KLF18: variants seen among roughly 807,000 people sequenced by gnomAD.
KLF18 encodes KLF transcription factor 18, also known as Kruppel-like factor 18.
chr1:44,141,124 C>T lies in KLF18; in HGVS notation c.508G>A (p.Asp170Asn). Residue 170 changes from aspartate (D) to asparagine (N), a missense_variant, in exon 1 of 2, where the codon GAT becomes AAT. Asp to Asn is a conservative substitution (Grantham distance 23). Transcript: ENST00000634670. Reference protein sequence around the residue: ...NESQIPALLGDQMKTLSDNQT... With the variant: ...NESQIPALLGNQMKTLSDNQT... ...TTATCACTGAGGGTCTTCATCTGATCTCCAAGCAGGGCTGGTATCTGACTC... is the reference window on the plus strand; with the variant it reads ...TTATCACTGAGGGTCTTCATCTGATTTCCAAGCAGGGCTGGTATCTGACTC... 2.5e-6 allele frequency: 1 copy of T among 398,614 alleles called. No individual in the cohort carries two copies. The highest frequency in any genetic ancestry group is 4.4e-6 in the Non-Finnish European group (1 of 226,130). 24.7% of individuals were successfully genotyped at this position (398,614 alleles called of 1,614,324 possible). A position where few individuals can be genotyped will look rare whatever the true frequency, so the allele number is the denominator to read the frequency against.
Position 44,139,845 on chromosome 1 carries a change from G to A in KLF18, c.1787C>T (p.Thr596Ile). Reference protein sequence around the residue: ...EQMTTSTSNQTLCGEQVTTST... With the variant: ...EQMTTSTSNQILCGEQVTTST... ...GGTCGTCACCTGCTCCCCACAAAGG[G>A]TCTGGTTACTAGTGGAGGTCGTCAT... Residue 596 changes from threonine to isoleucine, a missense_variant, in exon 1 of 2, where the codon ACC becomes ATC. Coordinates refer to ENST00000634670, the MANE Select transcript of KLF18 (RefSeq NM_001358438.1). The A allele has an allele frequency of 5.3e-6, 2 of 376,824 alleles. No homozygotes were observed. The highest frequency in any genetic ancestry group is 1.3e-4 in the South Asian group (1 of 7,424). The allele number at this position is 376,824 out of a possible 1,614,324, so 23.3% of individuals were successfully genotyped here. A position where few individuals can be genotyped will look rare whatever the true frequency, so the allele number is the denominator to read the frequency against.
At position 44,137,885 on chromosome 1, in the gene KLF18, T is replaced by C. The variant is rs1643169894; in HGVS notation, c.3095A>G (p.Asn1032Ser). 2.5e-6 allele frequency: 1 copy of C among 398,464 alleles called. No individual in the cohort carries two copies. The highest frequency in any genetic ancestry group is 2.1e-5 in the African/African-American group (1 of 48,604). 24.7% of individuals were successfully genotyped at this position (398,464 alleles called of 1,614,324 possible). ...RPYLCSICSK[N>S]FARSDHLKQH... is the part of the protein sequence containing the mutation. ...CTTTAGGTGATCAGATCTTGCAAAA[T>C]TCTTGCTGCATATTGAACACAGGTA... Residue 1032 changes from asparagine to serine, a missense_variant, in exon 2 of 2, where the codon AAT (asparagine) becomes AGT (serine). Asn to Ser is a conservative substitution (Grantham distance 46, BLOSUM62 1). Coordinates refer to ENST00000634670, the MANE Select transcript of KLF18 (RefSeq NM_001358438.1).
In KLF18 at chr1:44,140,244, G is replaced by A. The variant is rs990976352; in HGVS notation, c.1388C>T (p.Thr463Met). The stretch of plus-strand genomic sequence containing the variant: ...GAGGGTCTGGTTACTAGTGGAGGTC[G>A]TCGTCTGCTCTCCACAGAGGGTCTG... ...SNQTLCGEQT[T>M]TSTSNQTLCG... Residue 463 changes from threonine to methionine, a missense_variant, in exon 1 of 2, where the codon ACG becomes ATG. Physicochemically the swap from Thr to Met is moderately conservative, Grantham distance 81 (BLOSUM62 -1). Transcript: ENST00000634670. 7.7e-5 allele frequency: 30 copies of A among 391,542 alleles called. No individual in the cohort carries two copies. The highest frequency in any genetic ancestry group is 1.1e-4 in the East Asian group (3 of 27,706). The allele number at this position is 391,542 out of a possible 1,614,324, so 24.3% of individuals were successfully genotyped here.
Position 44,138,909 on chromosome 1 carries a change from G to T in KLF18, c.2723C>A (p.Thr908Asn), listed in dbSNP as rs1470350779. Residue 908 changes from threonine to asparagine, a missense_variant, in exon 1 of 2, where the codon ACT becomes AAT. By Grantham distance (65) the Thr-to-Asn change is moderately conservative. Transcript: ENST00000634670. ...TCCCCCATAAAGGCTGTGGTCATCA[G>T]TGAGCGTTGTCATATTGCCCACCTG... ...TLQVGNMTTL[T>N]DDHSLYGGYM... The T allele has an allele frequency of 1.5e-5, 6 of 398,588 alleles. No homozygotes were observed. Among genetic ancestry groups the T allele is most frequent in the Non-Finnish European group, 2.2e-5 (5 of 226,108 alleles). The allele number at this position is 398,588 out of a possible 1,614,324, so 24.7% of individuals were successfully genotyped here. A position where few individuals can be genotyped will look rare whatever the true frequency, so the allele number is the denominator to read the frequency against.
In KLF18 at chr1:44,139,652, G is replaced by A. The variant is rs1643214259; in HGVS notation, c.1980C>T (p.Thr660=). ...CACAGAGGGCCTGGTTACCAGTGGA[G>A]GTCATCACCTGCTCCTCACAGAGGG... The part of the protein sequence containing the change: ...NQTLCEEQVM[T]STGNQALCGE... Residue 660 remains threonine (T), a synonymous_variant, in exon 1 of 2, where the codon ACC becomes ACT. Coordinates refer to ENST00000634670, the MANE Select transcript of KLF18 (RefSeq NM_001358438.1). 1 of 397,780 alleles carries A rather than the reference G, an allele frequency of 2.5e-6. No homozygotes were observed. The allele number at this position is 397,780 out of a possible 1,614,324, so 24.6% of individuals were successfully genotyped here.
rs1643223270 is a variant in KLF18, at chr1:44,140,141, C to T, written c.1491G>A (p.Gln497=). ...TCATCATCTGCCCCCAGTAGAGGGT[C>T]TGGTTACCAGTGGAGGTCATCATCT... ...GGQMMTSTGN[Q]TLYWGQMMTS... is the part of the protein sequence containing the mutation. The change falls in exon 1 of 2, where the codon CAG becomes CAA. Residue 497 remains glutamine, a synonymous_variant. Transcript: ENST00000634670. 2.6e-6 allele frequency: 1 copy of T among 388,466 alleles called. No homozygotes were observed. The highest frequency in any genetic ancestry group is 2.2e-5 in the African/African-American group (1 of 45,256). The allele number at this position is 388,466 out of a possible 1,614,324, so 24.1% of individuals were successfully genotyped here.
At position 44,139,340 on chromosome 1, in the gene KLF18, G is replaced by A. The variant is rs1643208657; in HGVS notation, c.2292C>T (p.Ala764=). The A allele has an allele frequency of 5.8e-6, 2 of 344,894 alleles. No individual in the cohort carries two copies. Among genetic ancestry groups the A allele is most frequent in the African/African-American group, 2.2e-5 (1 of 44,982 alleles). 21.4% of individuals were successfully genotyped at this position (344,894 alleles called of 1,614,324 possible). Residue 764 remains alanine (A), a synonymous_variant, in exon 1 of 2, where the codon GCC becomes GCT. Transcript: ENST00000634670. Reference sequence around the variant, plus strand: ...AGGTCGTCATCTGCCCCCCGTAGAGGGCCTGGTTACCAGTGGAGGTTGTCA... The same window carrying A: ...AGGTCGTCATCTGCCCCCCGTAGAGAGCCTGGTTACCAGTGGAGGTTGTCA... ...EQMTTSTGNQ[A]LYGGQMTTST...
chr1:44,139,272 G>T lies in KLF18; in HGVS notation c.2360C>A (p.Pro787His). Residue 787 changes from proline to histidine, a missense_variant, in exon 1 of 2, where the codon CCC becomes CAC. By Grantham distance (77) the Pro-to-His change is moderately conservative. Coordinates refer to ENST00000634670, the MANE Select transcript of KLF18 (RefSeq NM_001358438.1). ...QTLCGEQMTT[P>H]TSNQTLCGEQ... Reference sequence around the variant, plus strand: ...CCCACAGAGGGTCTGGTTACTAGTGGGGGTCGTCATCTGCTCTCCACAGAG... The same window carrying T: ...CCCACAGAGGGTCTGGTTACTAGTGTGGGTCGTCATCTGCTCTCCACAGAG... The T allele has an allele frequency of 2.6e-6, 1 of 389,328 alleles. No individual in the cohort carries two copies. Among genetic ancestry groups the T allele is most frequent in the East Asian group, 3.7e-5 (1 of 27,174 alleles). The allele number at this position is 389,328 out of a possible 1,614,324, so 24.1% of individuals were successfully genotyped here.
Position 44,139,334 on chromosome 1 carries a change from G to A in KLF18, c.2298C>T (p.Tyr766=), listed in dbSNP as rs2485649. Residue 766 remains tyrosine, a synonymous_variant, in exon 1 of 2, where the codon TAC becomes TAT. Transcript: ENST00000634670. ...MTTSTGNQAL[Y]GGQMTTSTSN... ...TAGTAGAGGTCGTCATCTGCCCCCC[G>A]TAGAGGGCCTGGTTACCAGTGGAGG... The A allele has an allele frequency of 0.3, 109,502 of 366,824 alleles. 16,649 individuals carry two copies. The highest frequency in any genetic ancestry group is 0.42 in the South Asian group (2,873 of 6,834). 22.7% of individuals were successfully genotyped at this position (366,824 alleles called of 1,614,324 possible).
In KLF18 at chr1:44,140,143, G is replaced by T. The variant is rs543445811; in HGVS notation, c.1489C>A (p.Gln497Lys). 26 of 388,130 alleles carry T rather than the reference G, an allele frequency of 6.7e-5. No homozygotes were observed. The highest frequency in any genetic ancestry group is 5.8e-4 in the African/African-American group (26 of 44,968). The allele number at this position is 388,130 out of a possible 1,614,324, so 24.0% of individuals were successfully genotyped here. The change falls in exon 1 of 2, where the codon CAG becomes AAG. Residue 497 changes from glutamine (Q) to lysine (K), a missense_variant. Physicochemically the swap from Gln to Lys is moderately conservative, Grantham distance 53. Transcript: ENST00000634670. ...GGQMMTSTGNQTLYWGQMMTS... is the reference protein window; with the variant it reads ...GGQMMTSTGNKTLYWGQMMTS... ...ATCATCTGCCCCCAGTAGAGGGTCT[G>T]GTTACCAGTGGAGGTCATCATCTGC... is the stretch of plus-strand genomic sequence containing the variant.
rs933969020 is a variant in KLF18, at chr1:44,140,639, G to A, written c.993C>T (p.Leu331=). ...QMTTSTGNQN[L]YGGQMMTSTG... ...TGGAGGTCATCATCTGCCCCCCATA[G>A]AGGTTCTGGTTACCAGTGGAGGTCG... is the stretch of plus-strand genomic sequence containing the variant. Residue 331 remains leucine, a synonymous_variant, in exon 1 of 2, where the codon CTC becomes CTT. Transcript: ENST00000634670. 5.2e-6 allele frequency: 2 copies of A among 384,544 alleles called. No individual in the cohort carries two copies. The highest frequency in any genetic ancestry group is 1.4e-4 in the South Asian group (1 of 6,900). 23.8% of individuals were successfully genotyped at this position (384,544 alleles called of 1,614,324 possible).
chr1:44,138,098 A>T, intron 1 of KLF18, 87 bp from the exon 2 acceptor site: 1 of 397,790 alleles, frequency 2.5e-6, no homozygotes. Flanking sequence ...AACGTTTTTG[A>T]ACAAGTTGGA....
chr1:44,139,193 C>T lies in KLF18; in HGVS notation c.2439G>A (p.Thr813=), dbSNP rs566720864. 7 of 394,778 alleles carry T rather than the reference C, an allele frequency of 1.8e-5. No individual in the cohort carries two copies. The highest frequency in any genetic ancestry group is 2.7e-5 in the Non-Finnish European group (6 of 225,548). 24.5% of individuals were successfully genotyped at this position (394,778 alleles called of 1,614,324 possible). The change falls in exon 1 of 2, where the codon ACG becomes ACA. Residue 813 remains threonine (T), a synonymous_variant. Transcript: ENST00000634670. The part of the protein sequence containing the change: ...GNQALYRGQI[T]TSTSNQTLCG... ...AGAGGGTCTGGTTACTAGTGGAGGT[C>T]GTGATCTGCCCCCTGTAGAGGGCCT...
rs935808924 is a variant in KLF18 at position 44,138,680 on chromosome 1, G to T, written c.2952C>A (p.His984Gln). The T allele has an allele frequency of 1.0e-5, 4 of 398,638 alleles. No homozygotes were observed. The highest frequency in any genetic ancestry group is 6.3e-4 in the Middle Eastern group (1 of 1,588). The allele number at this position is 398,638 out of a possible 1,614,324, so 24.7% of individuals were successfully genotyped here. ...SYSKACHLRT[H>Q]MRKHTGEKPY... is the part of the protein sequence containing the mutation. ...CTCACTCACCGGTGTGCTTGCGCAT[G>T]TGGGTTCGGAGGTGGCAAGCCTTTG... is the stretch of plus-strand genomic sequence containing the variant. Residue 984 changes from histidine (H) to glutamine (Q), a missense_variant, in exon 1 of 2, where the codon CAC becomes CAA. Transcript: ENST00000634670.
In KLF18 at chr1:44,139,524, GA is replaced by G. The variant is rs1643211219; in HGVS notation, c.2107del (p.Ser703ProfsTer12). The G allele has an allele frequency of 2.6e-6, 1 of 387,566 alleles. No homozygotes were observed. The highest frequency in any genetic ancestry group is 2.2e-5 in the African/African-American group (1 of 46,384). 24.0% of individuals were successfully genotyped at this position (387,566 alleles called of 1,614,324 possible). A position where few individuals can be genotyped will look rare whatever the true frequency, so the allele number is the denominator to read the frequency against. On this transcript the variant is annotated frameshift_variant, in exon 1 of 2. Transcript: ENST00000634670. LOFTEE classifies it high-confidence loss of function. ...CCCACAGAGGGTCTGGTTACTAGTG[GA>G]GGTCGTCGTCTGCTCTCCACAGAGG... ...QTLCGEQTTT[S>X]TSNQTLCGEQ...
chr1:44,140,977 G>C lies in KLF18; in HGVS notation c.655C>G (p.Leu219Val), dbSNP rs1308980903. 7.5e-6 allele frequency: 3 copies of C among 398,672 alleles called. No individual in the cohort carries two copies. Among genetic ancestry groups the C allele is most frequent in the Non-Finnish European group, 1.3e-5 (3 of 226,232 alleles). The allele number at this position is 398,672 out of a possible 1,614,324, so 24.7% of individuals were successfully genotyped here. ...SGGQMTTSLDLYGGQMMTSID... is the reference protein window; with the variant it reads ...SGGQMTTSLDVYGGQMMTSID... ...GAAGTCATCATTTGCCCTCCATAGA[G>C]GTCTAGACTGGTTGTCATTTGGCCC... The change falls in exon 1 of 2, where the codon CTC (leucine) becomes GTC (valine). Residue 219 changes from leucine to valine, a missense_variant. Leu to Val is a conservative substitution (Grantham distance 32, BLOSUM62 1). Transcript: ENST00000634670.
chr1:44,138,857 T>C lies in KLF18; in HGVS notation c.2775A>G (p.Ser925=), dbSNP rs888055715. The C allele has an allele frequency of 1.5e-5, 6 of 398,454 alleles. No individual in the cohort carries two copies. Among genetic ancestry groups the C allele is most frequent in the Non-Finnish European group, 2.2e-5 (5 of 226,052 alleles). The allele number at this position is 398,454 out of a possible 1,614,324, so 24.7% of individuals were successfully genotyped here. A position where few individuals can be genotyped will look rare whatever the true frequency, so the allele number is the denominator to read the frequency against. Residue 925 remains serine (S), a synonymous_variant, in exon 1 of 2, where the codon TCA becomes TCG. Coordinates refer to ENST00000634670, the MANE Select transcript of KLF18 (RefSeq NM_001358438.1). ...GGYMMSHQFS[S]LPYPGFLCFS... The stretch of plus-strand genomic sequence containing the variant: ...AGCATAGGAATCCTGGGTATGGCAA[T>C]GATGAGAACTGATGGGACATCATAT...
At position 44,140,306 on chromosome 1, in the gene KLF18, G is replaced by T. The variant is rs1181458685; in HGVS notation, c.1326C>A (p.Asn442Lys). The change falls in exon 1 of 2, where the codon AAC becomes AAA. Residue 442 changes from asparagine (N) to lysine (K), a missense_variant. Physicochemically the swap from Asn to Lys is moderately conservative, Grantham distance 94. Transcript: ENST00000634670. The part of the protein sequence containing the change: ...GQMTTSTGNQ[N>K]LCGEQVMTST... The stretch of plus-strand genomic sequence containing the variant: ...AGGTCATCACTTGCTCTCCACAGAG[G>T]TTCTGGTTACCAGTGGAGGTCGTCA... 4 of 308,638 alleles carry T rather than the reference G, an allele frequency of 1.3e-5. No homozygotes were observed. Among genetic ancestry groups the T allele is most frequent in the Non-Finnish European group, 2.2e-5 (4 of 177,828 alleles). 19.1% of individuals were successfully genotyped at this position (308,638 alleles called of 1,614,324 possible).
In KLF18 at chr1:44,141,011, G is replaced by A. The variant is rs1643234685; in HGVS notation, c.621C>T (p.Thr207=). 5.0e-6 allele frequency: 2 copies of A among 398,518 alleles called. No individual in the cohort carries two copies. The highest frequency in any genetic ancestry group is 2.5e-4 in the South Asian group (2 of 7,854). 24.7% of individuals were successfully genotyped at this position (398,518 alleles called of 1,614,324 possible). A position where few individuals can be genotyped will look rare whatever the true frequency, so the allele number is the denominator to read the frequency against. The change falls in exon 1 of 2, where the codon ACC becomes ACT. Residue 207 remains threonine, a synonymous_variant. Transcript: ENST00000634670. ...TGGTTGTCATTTGGCCCCCAGAGAG[G>A]GTCTCATCGCTACCGGAAGTCACTG... ...GHTVTSGSDE[T]LSGGQMTTSL... is the part of the protein sequence containing the mutation.
Sources: gnomAD v4.1 joint callset for allele counts on GRCh38, gnomAD v4.1.1 for gene constraint, MANE v1.5 for transcripts, NCBI Gene and HGNC (gene_info 2026-07-23, HGNC 2026-07-21) for gene names.